The following ECT2 variants were observed in gnomAD, a reference collection of about 807,000 sequenced individuals.
ECT2 encodes protein ECT2.
In ECT2, 61 loss-of-function variants were observed where a neutral mutation model predicts 116.9. That is an observed-to-expected ratio of 0.52 (90% CI 0.42 to 0.65). ECT2 has a LOEUF of 0.65. ECT2 is among the 30% of genes least tolerant of loss of function. ECT2 has a pLI of 0.00. For missense variants in ECT2, 937 were observed against 1,078.7 expected (o/e 0.87, Z 1.84); for synonymous variants, 358 against 346.4 (o/e 1.03, Z -0.37).
At chr3:172,813,333 T>G (rs996621877) in intron 22 of ECT2, among the ~76,000 whole-genome samples, 39 of 152,054 alleles carry the variant, frequency 2.6e-4, no homozygotes, top group African/African-American at 9.2e-4. Context: ...TTATATCAAT[T>G]GTTTTTACAA....
chr3:172,753,073 T>C (rs917418559), intron 1 of ECT2, among the ~76,000 whole-genome samples: 4 of 152,292 alleles, frequency 2.6e-5, no homozygotes, highest in African/African-American at 7.2e-5. Context: ...AGTTGACTTA[T>C]TGAAAATTGA....
chr3:172,782,552 T>G (rs1722893149), intron 15 of ECT2, among the ~76,000 whole-genome samples: 1 of 152,216 alleles, frequency 6.6e-6, no homozygotes, highest in South Asian at 2.1e-4. Flanking sequence ...AATTTTCATT[T>G]TAAGTTCAGG....
rs1307627741 is a variant in ECT2 at position 172,793,431 on chromosome 3, G to A, written c.1907+6857G>A. Among the ~76,000 whole-genome samples, 4 of 151,824 alleles carry A rather than the reference G, an allele frequency of 2.6e-5. No individual in the cohort carries two copies. In the East Asian group the frequency reaches 5.8e-4, roughly 22 times the overall value. On this transcript the variant is annotated intron_variant, in intron 18 of 24. Transcript: ENST00000392692. ...ACCTGCCAAAGTGCTGGGATTACAG[G>A]CGTGAGCCCCCGCGCCCAGCCTATT... is the stretch of plus-strand genomic sequence containing the variant.
chr3:172,762,306 A>G, intron 8 of ECT2, 110 bp from the exon 9 acceptor site: 1 of 1,155,814 alleles, frequency 8.7e-7, no homozygotes, highest in Non-Finnish European at 1.2e-6. Context: ...AATAGTTTCA[A>G]TAGATAGATT....
chr3:172,783,239 T>A (rs879610364), intron 15 of ECT2, among the ~76,000 whole-genome samples: 4 of 152,194 alleles, frequency 2.6e-5, no homozygotes, highest in Non-Finnish European at 5.9e-5. Context: ...TTTATACTTT[T>A]ATTTTTTGAG....
At chr3:172,754,293 ATTG>A (rs922776180) in intron 1 of ECT2, among the ~76,000 whole-genome samples, 2 of 152,136 alleles carry the variant, frequency 1.3e-5, no homozygotes, top group African/African-American at 4.8e-5. Flanking sequence ...CTTTTGATAC[ATTG>A]TTATTTTTAT....
chr3:172,818,852 A>G lies in ECT2; in HGVS notation c.2656-1296A>G, dbSNP rs879784171. On this transcript the variant is annotated intron_variant, in intron 24 of 24. Transcript: ENST00000392692. ...GCTATTTAAAATTTGTATTTGCGGG[A>G]AAAAAAAAAGGAACATATTTTTTCT... 7.2e-4 allele frequency: 675 copies of G among 940,442 alleles called. 1 individual carries two copies. Among genetic ancestry groups the G allele is most frequent in the Non-Finnish European group, 7.9e-4 (602 of 763,584 alleles). 58.3% of individuals were successfully genotyped at this position (940,442 alleles called of 1,614,324 possible).
intron 18 of ECT2, among the ~76,000 whole-genome samples, chr3:172,799,823 T>C (rs964510992): frequency 3.3e-5 from 5 of 152,232 alleles, no homozygotes; most frequent in African/African-American, 1.2e-4. Flanking sequence ...CTTGTTTTTA[T>C]TGCTTGTCTA....
chr3:172,764,485 A>G lies in ECT2; in HGVS notation c.1276A>G (p.Ser426Gly). The change falls in exon 12 of 25, where the codon AGC becomes GGC. Residue 426 changes from serine to glycine, a missense_variant. Transcript: ENST00000392692. Reference sequence around the variant, plus strand: ...AGATATCTCCAACACACCAGAGTCTAGCATTAACTATGGAGGTAATTCACA... The same window carrying G: ...AGATATCTCCAACACACCAGAGTCTGGCATTAACTATGGAGGTAATTCACA... ...LLDISNTPES[S>G]INYGDTPKSC... 2 of 1,613,754 alleles carry G rather than the reference A, an allele frequency of 1.2e-6. No homozygotes were observed. The highest frequency in any genetic ancestry group is 1.7e-6 in the Non-Finnish European group (2 of 1,179,640).
chr3:172,757,952 G>A (rs1717397597), intron 5 of ECT2, among the ~76,000 whole-genome samples: 1 of 151,644 alleles, frequency 6.6e-6, no homozygotes, highest in African/African-American at 2.4e-5. Context: ...TGCTTTCCCG[G>A]GTTCAAGCGA....
chr3:172,815,649 A>G lies in ECT2; in HGVS notation c.2446A>G (p.Thr816Ala). The change falls in exon 23 of 25, where the codon ACA (threonine) becomes GCA (alanine). Residue 816 changes from threonine (T) to alanine (A), a missense_variant. Coordinates refer to ENST00000392692, the MANE Select transcript of ECT2 (RefSeq NM_001258315.2). Reference protein sequence around the residue: ...TADPESFEVNTKDMDSTLSRA... With the variant: ...TADPESFEVNAKDMDSTLSRA... ...TGATCCAGAATCCTTTGAAGTAAAT[A>G]CAAAAGATATGGACAGTACATTGAG... The G allele has an allele frequency of 1.2e-6, 2 of 1,603,500 alleles. No individual in the cohort carries two copies. The highest frequency in any genetic ancestry group is 1.7e-6 in the Non-Finnish European group (2 of 1,175,796).
chr3:172,754,675 T>G lies in ECT2; in HGVS notation c.130+15T>G, dbSNP rs757070002. On this transcript the variant is annotated intron_variant, in intron 2 of 24. Coordinates refer to ENST00000392692, the MANE Select transcript of ECT2 (RefSeq NM_001258315.2). ...ATATGTAGAAGGTAAACCTGTTACC[T>G]GCTTTAAAACAATCAATTTCTATTT... The G allele has an allele frequency of 1.3e-6, 2 of 1,576,516 alleles. No homozygotes were observed.
chr3:172,809,321 CAT>C (rs1410042534), intron 22 of ECT2, among the ~76,000 whole-genome samples: 5 of 152,040 alleles, frequency 3.3e-5, no homozygotes, highest in African/African-American at 9.7e-5. Context: ...AATATAATAA[CAT>C]ATGGAAGAAA....
the ECT2 span, chr3:172,828,822 A>C: frequency 3.6e-4 from 283 of 791,810 alleles, no homozygotes; most frequent in Non-Finnish European, 5.6e-4. Context: ...GCATAGGAGA[A>C]GAGCTACTGC....
Position 172,755,375 on chromosome 3 carries a change from G to A in ECT2, c.210+1G>A. 1.3e-6 allele frequency: 2 copies of A among 1,597,078 alleles called. No individual in the cohort carries two copies. Among genetic ancestry groups the A allele is most frequent in the Non-Finnish European group, 1.7e-6 (2 of 1,175,598 alleles). ...AGAAGAACTTATAAAAGCCTTAAAG[G>A]TACGGAGTTTTAGGTTTTAGTTTTT... is the stretch of plus-strand genomic sequence containing the variant. On this transcript the variant is annotated splice_donor_variant, in intron 3 of 24. Coordinates refer to ENST00000392692, the MANE Select transcript of ECT2 (RefSeq NM_001258315.2). LOFTEE classifies it high-confidence loss of function.
intron 11 of ECT2, 100 bp downstream of exon 11, chr3:172,763,072 G>C: frequency 8.0e-7 from 1 of 1,250,766 alleles, no homozygotes; most frequent in Non-Finnish European, 1.1e-6. Context: ...AGGAATTTCA[G>C]AATGATTAAA....
downstream of ECT2, among the ~76,000 whole-genome samples, chr3:172,825,968 A>C (rs960386975): frequency 6.6e-6 from 1 of 152,202 alleles, no homozygotes; most frequent in African/African-American, 2.4e-5. Context: ...ATCTCGGCTC[A>C]CTGCAACCTC....
At position 172,815,661 on chromosome 3, in the gene ECT2, G is replaced by A; in HGVS notation, c.2458G>A (p.Asp820Asn). The A allele has an allele frequency of 6.2e-7, 1 of 1,605,794 alleles. No homozygotes were observed. The highest frequency in any genetic ancestry group is 1.1e-5 in the South Asian group (1 of 88,398). The change falls in exon 23 of 25, where the codon GAC (aspartate) becomes AAC (asparagine). Residue 820 changes from aspartate to asparagine, a missense_variant. Asp to Asn is a conservative substitution (Grantham distance 23, BLOSUM62 1). Transcript: ENST00000392692. ...CTTTGAAGTAAATACAAAAGATATG[G>A]ACAGTACATTGAGTAGAGCATCAAG... ...ESFEVNTKDM[D>N]STLSRASRAI...
chr3:172,823,760 A>T (rs374697182), downstream of ECT2, among the ~76,000 whole-genome samples: 7 of 152,330 alleles, frequency 4.6e-5, no homozygotes, highest in African/African-American at 1.4e-4. Context: ...GCTTACAAAA[A>T]AAAAGTTAAA....
Sources: gnomAD v4.1 joint callset for allele counts (sites outside exome capture counted in the v4.1 genomes callset) on GRCh38, gnomAD v4.1.1 for gene constraint, MANE v1.5 for transcripts, NCBI Gene and HGNC (gene_info 2026-07-23, HGNC 2026-07-21) for gene names.